The following CORO2B variants were observed in gnomAD, a reference collection of about 807,000 sequenced individuals.
The protein encoded by CORO2B is coronin 2B, also known as coronin-2B.
A neutral mutation model predicts 58.8 loss-of-function variants in CORO2B; 26 were observed. The ratio of observed to expected loss-of-function variants is 0.44; its 90% CI spans 0.32 to 0.61. The LOEUF is 0.61. Ranked by LOEUF, CORO2B falls within the 20% of genes least tolerant of loss-of-function variation. CORO2B has a pLI of 0.04. For synonymous variants in CORO2B, 242 were observed against 253.8 expected (o/e 0.95, Z 0.44); for missense variants, 460 against 645.1 (o/e 0.71, Z 3.11).
At chr15:68,569,405 C>T in the CORO2B span, among the ~76,000 whole-genome samples, 1,604 of 152,348 alleles carry the variant, frequency 0.011, 27 homozygotes, top group African/African-American at 0.036. Context: ...CCTTTGGAGA[C>T]TGGCTTCTCT....
chr15:68,584,980 G>T (rs1011109602), intron 1 of CORO2B, among the ~76,000 whole-genome samples: 1 of 152,104 alleles, frequency 6.6e-6, no homozygotes, highest in African/African-American at 2.4e-5. Flanking sequence ...GTGGGGAGTG[G>T]GGGAGAAGCC....
At chr15:68,597,373 C>T (rs1595958883) in intron 1 of CORO2B, among the ~76,000 whole-genome samples, 1 of 152,180 alleles carries the variant, frequency 6.6e-6, no homozygotes, top group Non-Finnish European at 1.5e-5. Context: ...AATTGTTTTA[C>T]ACGCACCTCA....
chr15:68,655,050 A>AG (rs1431519291), intron 2 of CORO2B, among the ~76,000 whole-genome samples: 1 of 152,144 alleles, frequency 6.6e-6, no homozygotes, highest in East Asian at 1.9e-4. Flanking sequence ...GGGGGATTCT[A>AG]GGGAGGGTCC....
chr15:68,704,193 T>C (rs757292409), intron 3 of CORO2B, among the ~76,000 whole-genome samples: 27 of 150,882 alleles, frequency 1.8e-4, no homozygotes, highest in Admixed American at 1.3e-3. Flanking sequence ...TGAGCCAAGA[T>C]TGCACCACTG....
At chr15:68,646,376 G>A (rs559725637) in intron 2 of CORO2B, among the ~76,000 whole-genome samples, 5 of 152,190 alleles carry the variant, frequency 3.3e-5, no homozygotes, top group South Asian at 4.1e-4. Context: ...CCGCCAAATC[G>A]CTCAGGGGGA....
intron 1 of CORO2B, among the ~76,000 whole-genome samples, chr15:68,583,752 C>T (rs571769134): frequency 7.2e-5 from 11 of 152,354 alleles, no homozygotes; most frequent in East Asian, 1.9e-4. Flanking sequence ...AGACATTCTA[C>T]ATCCCAGCAC....
chr15:68,613,606 T>G (rs1900288297), intron 1 of CORO2B, among the ~76,000 whole-genome samples: 1 of 152,196 alleles, frequency 6.6e-6, no homozygotes, highest in South Asian at 2.1e-4. Context: ...CCATGGACTT[T>G]TATTTTAATA....
rs1383383198 is a variant in CORO2B, at chr15:68,719,448, A to G, written c.1207A>G (p.Lys403Glu). 1 of 1,614,180 alleles carries G rather than the reference A, an allele frequency of 6.2e-7. No individual in the cohort carries two copies. The highest frequency in any genetic ancestry group is 1.7e-5 in the Admixed American group (1 of 60,012). ...VLMSLKEGYK[K>E]SSKMVFKAPI... ...GATGTCTTTGAAAGAAGGCTATAAG[A>G]AGTCCTCAAAAATGGTATTTAAGGC... is the stretch of plus-strand genomic sequence containing the variant. Residue 403 changes from lysine to glutamate, a missense_variant, in exon 11 of 12, where the codon AAG (lysine) becomes GAG (glutamate). Physicochemically the swap from Lys to Glu is moderately conservative, Grantham distance 56. This residue lies in a region of CORO2B where 108 missense variants were observed against 102.1 expected (regional missense o/e 1.06). Transcript: ENST00000261861.
intron 1 of CORO2B, among the ~76,000 whole-genome samples, chr15:68,586,653 C>T (rs1899566416): frequency 6.6e-6 from 1 of 152,280 alleles, no homozygotes; most frequent in Non-Finnish European, 1.5e-5. Flanking sequence ...TAAAAGGTGG[C>T]CCAGTGAGGC....
chr15:68,561,087 T>TC, the CORO2B span, among the ~76,000 whole-genome samples: 47 of 152,020 alleles, frequency 3.1e-4, no homozygotes, highest in Middle Eastern at 0.01. Context: ...CCACCCCGCG[T>TC]CCCCCAGGCT....
chr15:68,545,192 T>C, the CORO2B span, among the ~76,000 whole-genome samples: 1 of 152,174 alleles, frequency 6.6e-6, no homozygotes, highest in East Asian at 1.9e-4. Flanking sequence ...AACTGGGAGA[T>C]GGTAGATTTC....
chr15:68,553,489 C>T, the CORO2B span, among the ~76,000 whole-genome samples: 1 of 152,122 alleles, frequency 6.6e-6, no homozygotes, highest in African/African-American at 2.4e-5. Flanking sequence ...ATGAGATTCT[C>T]CCCCGAACCA....
the CORO2B span, among the ~76,000 whole-genome samples, chr15:68,522,327 A>G: frequency 1.3e-5 from 2 of 152,090 alleles, no homozygotes; most frequent in South Asian, 2.1e-4. Context: ...TGAGACTCCA[A>G]TTGTGTTAAT....
intron 1 of CORO2B, among the ~76,000 whole-genome samples, chr15:68,610,281 G>A (rs868158813): frequency 2.6e-5 from 4 of 152,096 alleles, no homozygotes; most frequent in Non-Finnish European, 4.4e-5. Flanking sequence ...GCCTCGCCTC[G>A]TTTACAAAGC....
chr15:68,651,379 A>G (rs1901637005), intron 2 of CORO2B, among the ~76,000 whole-genome samples: 2 of 152,202 alleles, frequency 1.3e-5, no homozygotes, highest in African/African-American at 4.8e-5. Flanking sequence ...TTGATCTGGC[A>G]GCGGTGGAGA....
the CORO2B span, among the ~76,000 whole-genome samples, chr15:68,537,314 C>T: frequency 6.6e-6 from 1 of 152,152 alleles, no homozygotes; most frequent in African/African-American, 2.4e-5. Flanking sequence ...AGGACACTCA[C>T]ATGAGATCTG....
At chr15:68,551,754 A>G in the CORO2B span, among the ~76,000 whole-genome samples, 1 of 152,248 alleles carries the variant, frequency 6.6e-6, no homozygotes, top group Non-Finnish European at 1.5e-5. Flanking sequence ...AAATAGAGTT[A>G]CAAAAACTGC....
chr15:68,542,196 G>T, the CORO2B span, among the ~76,000 whole-genome samples: 1 of 152,184 alleles, frequency 6.6e-6, no homozygotes, highest in Non-Finnish European at 1.5e-5. Context: ...ATCCAAATTT[G>T]ATCCTATCAT....
chr15:68,643,760 C>T lies in CORO2B; in HGVS notation c.16-1400C>T, dbSNP rs573760061. 3.9e-5 allele frequency among the ~76,000 whole-genome samples: 6 copies of T among 152,256 alleles called. No homozygotes were observed. In the East Asian group the frequency reaches 7.7e-4, roughly 20 times the overall value. On this transcript the variant is annotated intron_variant, in intron 1 of 11. Coordinates refer to ENST00000261861, the MANE Select transcript of CORO2B (RefSeq NM_006091.5). Reference sequence around the variant, plus strand: ...TGATTTAAATCAAATGCAGGCCAGGCGGCACCGTGGCTCACACCTGTAATC... The same window carrying T: ...TGATTTAAATCAAATGCAGGCCAGGTGGCACCGTGGCTCACACCTGTAATC...
Sources: allele counts gnomAD v4.1 joint callset (sites outside exome capture counted in the v4.1 genomes callset), GRCh38; gene constraint gnomAD v4.1.1; regional missense constraint gnomAD v4.1.1; transcripts MANE v1.5; gene names NCBI Gene and HGNC (gene_info 2026-07-23, HGNC 2026-07-21).